Variants in KDM4A observed in about 807,000 individuals in gnomAD.
KDM4A encodes lysine demethylase 4A, also known as lysine-specific demethylase 4A.
Under a neutral mutation model 127.1 loss-of-function variants are expected in KDM4A, and 23 were observed. The observed-to-expected ratio is 0.18, with a 90% CI of 0.13 to 0.26. The LOEUF (loss-of-function observed/expected upper bound fraction) is 0.26. Ranked by LOEUF, KDM4A falls within the 10% of genes least tolerant of loss-of-function variation. KDM4A has a pLI of 1.00. For synonymous variants in KDM4A, 443 were observed against 466.5 expected (o/e 0.95, Z 0.65); for missense variants, 890 against 1,329.1 (o/e 0.67, Z 5.14).
At chr1:43,698,095 C>T (rs1219436630) in intron 19 of KDM4A, 82 bp downstream of exon 19, 4 of 1,342,834 alleles carry the variant, frequency 3.0e-6, no homozygotes, top group African/African-American at 2.9e-5. Flanking sequence ...TGTGTGTATG[C>T]CTGCTTCTTC....
chr1:43,668,341 G>A (rs926585180), intron 9 of KDM4A, among the ~76,000 whole-genome samples: 2 of 152,066 alleles, frequency 1.3e-5, no homozygotes, highest in African/African-American at 2.4e-5. Flanking sequence ...TAGCCAGGAC[G>A]GTCTCGATCT....
At chr1:43,669,896 G>A (rs1346150111) in intron 10 of KDM4A, among the ~76,000 whole-genome samples, 3 of 152,086 alleles carry the variant, frequency 2.0e-5, no homozygotes, top group South Asian at 2.1e-4. Context: ...CAGGTGATCC[G>A]CCTGCCTCGG....
chr1:43,669,097 C>T lies in KDM4A; in HGVS notation c.1164-3C>T. ...CTTAAAAGATTTGCCCTCTCCCTTGCAGCCTGGCCAAGCACCGAATAGGGA... is the reference window on the plus strand; with the variant it reads ...CTTAAAAGATTTGCCCTCTCCCTTGTAGCCTGGCCAAGCACCGAATAGGGA... On this transcript the variant is annotated splice_region_variant and splice_polypyrimidine_tract_variant and intron_variant, in intron 9 of 21. Transcript: ENST00000372396. 6 of 1,614,182 alleles carry T rather than the reference C, an allele frequency of 3.7e-6. No individual in the cohort carries two copies. The highest frequency in any genetic ancestry group is 5.1e-6 in the Non-Finnish European group (6 of 1,180,022).
chr1:43,660,754 ACTAAT>A (rs1174944008), intron 4 of KDM4A, among the ~76,000 whole-genome samples: 2 of 152,154 alleles, frequency 1.3e-5, no homozygotes, highest in African/African-American at 2.4e-5. Context: ...AAGATGACTG[ACTAAT>A]CTAATGAAAG....
intron 11 of KDM4A, among the ~76,000 whole-genome samples, chr1:43,679,063 G>A (rs1162184647): frequency 6.6e-6 from 1 of 152,178 alleles, no homozygotes; most frequent in East Asian, 1.9e-4. Flanking sequence ...GTCGCCTAGA[G>A]TAGTCAGATA....
chr1:43,694,147 C>T lies in KDM4A; in HGVS notation c.2484+45C>T. Reference sequence around the variant, plus strand: ...ACATAATTTCCCGACTTACAAGTTTCTGGGTAGAAGAGAACAGGGACCTCC... The same window carrying T: ...ACATAATTTCCCGACTTACAAGTTTTTGGGTAGAAGAGAACAGGGACCTCC... On this transcript the variant is annotated intron_variant, in intron 17 of 21. Coordinates refer to ENST00000372396, the MANE Select transcript of KDM4A (RefSeq NM_014663.3). The surrounding 1 kb of genome is among the most constrained non-coding windows in gnomAD (Gnocchi z 5.2). The T allele has an allele frequency of 1.3e-6, 2 of 1,507,856 alleles. No individual in the cohort carries two copies. The highest frequency in any genetic ancestry group is 1.8e-6 in the Non-Finnish European group (2 of 1,090,336). The allele number at this position is 1,507,856 out of a possible 1,614,324, so 93.4% of individuals were successfully genotyped here.
chr1:43,665,228 C>T (rs998960911), intron 5 of KDM4A, among the ~76,000 whole-genome samples: 5 of 152,062 alleles, frequency 3.3e-5, no homozygotes, highest in African/African-American at 1.2e-4. Context: ...TCAGCAGATA[C>T]GGGGCTAGGT....
intron 9 of KDM4A, among the ~76,000 whole-genome samples, chr1:43,668,424 C>A (rs1025529345): frequency 1.3e-5 from 2 of 152,112 alleles, no homozygotes; most frequent in Admixed American, 6.5e-5. Flanking sequence ...CGCGCCCGGC[C>A]GAGGCTGTTT....
chr1:43,682,977 A>G (rs1322495871), intron 11 of KDM4A, among the ~76,000 whole-genome samples: 1 of 152,236 alleles, frequency 6.6e-6, no homozygotes, highest in Non-Finnish European at 1.5e-5. Flanking sequence ...AGTGTTTCTG[A>G]GTCAATCCTG....
At chr1:43,687,425 G>A (rs1312189421) in intron 12 of KDM4A, among the ~76,000 whole-genome samples, 19 of 152,162 alleles carry the variant, frequency 1.2e-4, no homozygotes, top group Admixed American at 1.2e-3. Context: ...GTCATAGCTG[G>A]GGACTGATGA....
At chr1:43,669,416 G>C in intron 10 of KDM4A, 117 bp downstream of exon 10, 1 of 1,012,864 alleles carries the variant, frequency 9.9e-7, no homozygotes, top group Non-Finnish European at 1.5e-6. Context: ...TCCGTGAGCA[G>C]ATAGCATACT....
At chr1:43,686,079 C>T (rs930600147) in intron 12 of KDM4A, among the ~76,000 whole-genome samples, 5 of 151,892 alleles carry the variant, frequency 3.3e-5, no homozygotes, top group African/African-American at 1.2e-4. Flanking sequence ...TAGAGTATGT[C>T]CATGTATATC....
At chr1:43,686,268 C>T (rs1316873150) in intron 12 of KDM4A, among the ~76,000 whole-genome samples, 1 of 147,626 alleles carries the variant, frequency 6.8e-6, no homozygotes, top group Non-Finnish European at 1.5e-5. Context: ...GAACTCCTGA[C>T]CTTGTGATCC....
chr1:43,652,658 C>CTT (rs1206522322), intron 1 of KDM4A, among the ~76,000 whole-genome samples: 1 of 147,378 alleles, frequency 6.8e-6, no homozygotes, highest in Non-Finnish European at 1.5e-5. Context: ...CCCTAAATTA[C>CTT]TTTTCTTTCT....
intron 6 of KDM4A, chr1:43,666,167 A>G (rs1660498199): frequency 9.8e-6 from 4 of 407,304 alleles, no homozygotes; most frequent in Middle Eastern, 6.3e-4. Context: ...GTGACTGGAG[A>G]AAAGGTCCTA....
intron 12 of KDM4A, among the ~76,000 whole-genome samples, chr1:43,687,208 C>G (rs1401242511): frequency 6.6e-6 from 1 of 152,204 alleles, no homozygotes; most frequent in Non-Finnish European, 1.5e-5. Context: ...TTAGGGTACA[C>G]TGAGGCGGCG....
Position 43,653,131 on chromosome 1 carries a change from C to G in KDM4A, c.-39-6C>G, listed in dbSNP as rs1390768588. On this transcript the variant is annotated splice_polypyrimidine_tract_variant and splice_region_variant and intron_variant, in intron 1 of 21. Coordinates refer to ENST00000372396, the MANE Select transcript of KDM4A (RefSeq NM_014663.3). ...ATTATTTTATACTCTTAATGTGTTT[C>G]TTCAGATTCCTGTCTGACTAAAGGG... 1 of 1,533,386 alleles carries G rather than the reference C, an allele frequency of 6.5e-7. No homozygotes were observed. Among genetic ancestry groups the G allele is most frequent in the Non-Finnish European group, 8.8e-7 (1 of 1,130,398 alleles). 95.0% of individuals were successfully genotyped at this position (1,533,386 alleles called of 1,614,324 possible).
rs369689538 is a variant in KDM4A, at chr1:43,688,207, A to G, written c.1856-707A>G. 3.9e-5 allele frequency among the ~76,000 whole-genome samples: 6 copies of G among 152,198 alleles called. No homozygotes were observed. The East Asian group carries it at 9.6e-4, about 24-fold the overall frequency. On this transcript the variant is annotated intron_variant, in intron 12 of 21. Coordinates refer to ENST00000372396, the MANE Select transcript of KDM4A (RefSeq NM_014663.3). The surrounding 1 kb of genome is among the most constrained non-coding windows in gnomAD (Gnocchi z 4.4). ...GTACTCCAGCCTGGGCAACATAGCA[A>G]GACCCCATCATAAAAATGTAAAAAC...
intron 19 of KDM4A, chr1:43,702,862 C>T (rs1661436928): frequency 6.6e-6 from 1 of 152,114 alleles, no homozygotes; most frequent in African/African-American, 2.4e-5. Context: ...GAAACCCCGT[C>T]TCTACTAAAA....
Sources: allele counts gnomAD v4.1 joint callset (sites outside exome capture counted in the v4.1 genomes callset), GRCh38; gene constraint gnomAD v4.1.1; non-coding constraint Gnocchi (gnomAD v3.1); transcripts MANE v1.5; gene names NCBI Gene and HGNC (gene_info 2026-07-23, HGNC 2026-07-21).